Variants in MAB21L3 observed in about 807,000 individuals in gnomAD.
MAB21L3 encodes mab-21 like 3.
A neutral mutation model predicts 37.7 loss-of-function variants in MAB21L3; 36 were observed. The ratio of observed to expected loss-of-function variants is 0.96; its 90% CI spans 0.73 to 1.26. The LOEUF (loss-of-function observed/expected upper bound fraction) is 1.26, where lower values mean the gene tolerates loss of function less well. Among genes scored for constraint, MAB21L3 ranks in the 50% most tolerant of loss-of-function variants. The pLI is 0.00. For synonymous variants in MAB21L3, 186 were observed against 176.8 expected, an observed-to-expected ratio of 1.05 and a Z score of -0.41; for missense variants, 430 against 447.3, an observed-to-expected ratio of 0.96 and a Z score of 0.35.
intron 5 of MAB21L3, among the ~76,000 whole-genome samples, chr1:116,126,162 A>G (rs1032707370): frequency 5.9e-5 from 9 of 152,196 alleles, no homozygotes; most frequent in African/African-American, 1.9e-4. Flanking sequence ...ATGCAAAATA[A>G]TAGATTCCAA....
rs1475232671 is a variant in MAB21L3, at chr1:116,137,283, AAAAC to A, written c.*3925_*3928del. 2.0e-4 allele frequency among the ~76,000 whole-genome samples: 23 copies of A among 116,582 alleles called. 1 individual carries two copies. Among genetic ancestry groups the A allele is most frequent in the African/African-American group, 2.6e-4 (4 of 15,442 alleles). 76.5% of individuals were successfully genotyped at this position (116,582 alleles called of 152,430 possible). On this transcript the variant is annotated 3_prime_UTR_variant, in exon 8 of 8. Coordinates refer to ENST00000369500, the MANE Select transcript of MAB21L3 (RefSeq NM_152367.3). The stretch of plus-strand genomic sequence containing the variant: ...TGAACTCAAACAAATTTACAAGAAA[AAAAC>A]AAACAACCCCAACAAAAAGTGGGTG...
At position 116,128,229 on chromosome 1, in the gene MAB21L3, C is replaced by T. The variant is rs888602703; in HGVS notation, c.745C>T (p.Leu249=). Residue 249 remains leucine, a synonymous_variant, in exon 7 of 8, where the codon CTG becomes TTG. Transcript: ENST00000369500. ...LRAEQVLLEQ[L]DEDGGCRRKC... ...TGCTGAGCAGGTGTTACTGGAACAG[C>T]TGGATGAAGATGGGGGCTGCCGTAG... is the stretch of plus-strand genomic sequence containing the variant. 1 of 1,614,148 alleles carries T rather than the reference C, an allele frequency of 6.2e-7. No individual in the cohort carries two copies. The highest frequency in any genetic ancestry group is 1.3e-5 in the African/African-American group (1 of 75,046).
At chr1:116,126,347 C>T (rs771883078) in intron 5 of MAB21L3, among the ~76,000 whole-genome samples, 8 of 152,122 alleles carry the variant, frequency 5.3e-5, no homozygotes, top group South Asian at 2.1e-4. Flanking sequence ...CTACTAGATG[C>T]GTTAGTTTTC....
chr1:116,114,849 G>A (rs1033430886), intron 3 of MAB21L3, among the ~76,000 whole-genome samples: 9 of 152,206 alleles, frequency 5.9e-5, no homozygotes, highest in Admixed American at 5.2e-4. Flanking sequence ...TGATGGGAAA[G>A]GTGTCTTACA....
rs1215967399 is a variant in MAB21L3 at position 116,137,801 on chromosome 1, T to C, written c.*4436T>C. ...TGGAATACTATGCAGCCATAAAAAA[T>C]GATGAGTTCATGTCCTTTGTAGGGA... is the stretch of plus-strand genomic sequence containing the variant. On this transcript the variant is annotated 3_prime_UTR_variant, in exon 8 of 8. Coordinates refer to ENST00000369500, the MANE Select transcript of MAB21L3 (RefSeq NM_152367.3). Among the ~76,000 whole-genome samples, 1 of 151,690 alleles carries C rather than the reference T, an allele frequency of 6.6e-6. No individual in the cohort carries two copies. Among genetic ancestry groups the C allele is most frequent in the Non-Finnish European group, 1.5e-5 (1 of 67,922 alleles).
chr1:116,128,092 ACAC>A (rs1251382343), intron 6 of MAB21L3, 50 bp from the exon 7 acceptor site: 1 of 1,547,926 alleles, frequency 6.5e-7, no homozygotes, highest in African/African-American at 1.4e-5. Flanking sequence ...ATGGCTTTCT[ACAC>A]CAGTGAGCAT....
At chr1:116,124,559 C>T (rs891674179) in intron 5 of MAB21L3, among the ~76,000 whole-genome samples, 2 of 152,166 alleles carry the variant, frequency 1.3e-5, no homozygotes, top group African/African-American at 4.8e-5. Context: ...TTCATACTAA[C>T]AAAATAGTCT....
intron 3 of MAB21L3, 112 bp from the exon 4 acceptor site, chr1:116,120,820 C>T: frequency 7.3e-7 from 1 of 1,376,666 alleles, no homozygotes. Context: ...GATTTTTGAG[C>T]TGAACTCCCT....
chr1:116,135,736 T>A lies in MAB21L3; in HGVS notation c.*2371T>A, dbSNP rs1362834537. On this transcript the variant is annotated 3_prime_UTR_variant, in exon 8 of 8. Transcript: ENST00000369500. ...TTGATGCAAAAATCCTCAGTAAAAT[T>A]CTGGCAAACCGAATCCAGCAGCACA... 2.6e-5 allele frequency among the ~76,000 whole-genome samples: 4 copies of A among 152,060 alleles called. No homozygotes were observed. The East Asian group carries it at 7.7e-4, about 29-fold the overall frequency.
Position 116,128,236 on chromosome 1 carries a change from A to G in MAB21L3, c.752A>G (p.Glu251Gly), listed in dbSNP as rs568583492. 3 of 1,614,168 alleles carry G rather than the reference A, an allele frequency of 1.9e-6. No homozygotes were observed. The East Asian group carries it at 6.7e-5, about 36-fold the overall frequency. ...CAGGTGTTACTGGAACAGCTGGATG[A>G]AGATGGGGGCTGCCGTAGGAAGTGT... ...AEQVLLEQLD[E>G]DGGCRRKCFQ... Residue 251 changes from glutamate (E) to glycine (G), a missense_variant, in exon 7 of 8, where the codon GAA becomes GGA. Glu to Gly is a moderately conservative substitution (Grantham distance 98, BLOSUM62 -2). Coordinates refer to ENST00000369500, the MANE Select transcript of MAB21L3 (RefSeq NM_152367.3).
chr1:116,112,534 T>C lies in MAB21L3; in HGVS notation c.-82T>C. The C allele has an allele frequency of 7.9e-7, 1 of 1,261,150 alleles. No homozygotes were observed. The highest frequency in any genetic ancestry group is 1.2e-6 in the Non-Finnish European group (1 of 866,956). The allele number at this position is 1,261,150 out of a possible 1,614,324, so 78.1% of individuals were successfully genotyped here. On this transcript the variant is annotated 5_prime_UTR_variant, in exon 3 of 8. Transcript: ENST00000369500. ...GAGACTCACATTACTGGGAGTGCTA[T>C]CTACTCACAAGTGTTGCACTCCATT...
At chr1:116,132,993 G>C in intron 7 of MAB21L3, 139 bp from the exon 8 acceptor site, 1 of 709,030 alleles carries the variant, frequency 1.4e-6, no homozygotes, top group South Asian at 1.8e-5. Flanking sequence ...GTTGGGGATT[G>C]TGAATTCATG....
chr1:116,125,594 G>A (rs912233848), intron 5 of MAB21L3, among the ~76,000 whole-genome samples: 13 of 149,122 alleles, frequency 8.7e-5, no homozygotes, highest in African/African-American at 3.4e-4. Context: ...GATTCCATCT[G>A]TGTGAAAATA....
chr1:116,132,928 A>G (rs1660112712), intron 7 of MAB21L3, among the ~76,000 whole-genome samples: 1 of 152,214 alleles, frequency 6.6e-6, no homozygotes, highest in East Asian at 1.9e-4. Context: ...GAGTGAGGGA[A>G]TAGATTAGGG....
At chr1:116,124,972 AATT>A (rs1034094285) in intron 5 of MAB21L3, among the ~76,000 whole-genome samples, 33 of 152,110 alleles carry the variant, frequency 2.2e-4, no homozygotes, top group Admixed American at 1.6e-3. Context: ...TAATTTTCTT[AATT>A]TATAAATCAA....
Position 116,137,553 on chromosome 1 carries a change from G to T in MAB21L3, c.*4188G>T, listed in dbSNP as rs1249581577. Among the ~76,000 whole-genome samples the T allele has an allele frequency of 6.7e-6, 1 of 149,818 alleles. No individual in the cohort carries two copies. Among genetic ancestry groups the T allele is most frequent in the Non-Finnish European group, 1.5e-5 (1 of 67,610 alleles). On this transcript the variant is annotated 3_prime_UTR_variant, in exon 8 of 8. Coordinates refer to ENST00000369500, the MANE Select transcript of MAB21L3 (RefSeq NM_152367.3). ...GACTGTAAACTAGTTCAACCATTAT[G>T]GAAGTCAGTGTGGCGATTCCTCAGG...
At chr1:116,132,789 G>A (rs185293713) in intron 7 of MAB21L3, among the ~76,000 whole-genome samples, 38 of 152,308 alleles carry the variant, frequency 2.5e-4, no homozygotes, top group Non-Finnish European at 4.9e-4. Context: ...CAGAAGCAGG[G>A]AGGAAGAGAG....
intron 4 of MAB21L3, among the ~76,000 whole-genome samples, chr1:116,121,471 T>C (rs907337350): frequency 6.6e-6 from 1 of 152,186 alleles, no homozygotes. Flanking sequence ...TATCAGGCAC[T>C]AAAGCCAGAA....
Position 116,133,615 on chromosome 1 carries a change from T to G in MAB21L3, c.*250T>G. ...CTCCTGGAGACAGCTCTCATCAGGC[T>G]TCCCCAGGCACAGATTTGGAACTGG... On this transcript the variant is annotated 3_prime_UTR_variant, in exon 8 of 8. Transcript: ENST00000369500. 3.6e-6 allele frequency: 2 copies of G among 556,942 alleles called. No individual in the cohort carries two copies. The highest frequency in any genetic ancestry group is 3.1e-5 in the East Asian group (1 of 32,736). The allele number at this position is 556,942 out of a possible 1,614,324, so 34.5% of individuals were successfully genotyped here.
Sources: gnomAD v4.1 joint callset for allele counts (sites outside exome capture counted in the v4.1 genomes callset) on GRCh38, gnomAD v4.1.1 for gene constraint, MANE v1.5 for transcripts, NCBI Gene and HGNC (gene_info 2026-07-23, HGNC 2026-07-21) for gene names.